Variants in SDCCAG8 observed in about 807,000 individuals in gnomAD.
SDCCAG8 encodes the protein SHH signaling and ciliogenesis regulator SDCCAG8, also known as serologically defined colon cancer antigen 8.
A neutral mutation model predicts 101.8 loss-of-function variants in SDCCAG8; 74 were observed. The observed-to-expected ratio is 0.73, with a 90% CI of 0.60 to 0.88. The LOEUF is 0.88. SDCCAG8 is among the 40% of genes least tolerant of loss of function. The pLI, the probability that SDCCAG8 is intolerant of heterozygous loss-of-function variation, is 0.00. For missense variants in SDCCAG8, 787 were observed against 822.6 expected (o/e 0.96, Z 0.53); for synonymous variants, 281 against 292.9 (o/e 0.96, Z 0.41).
At chr1:243,286,545 C>A in intron 5 of SDCCAG8, 148 bp downstream of exon 5, 1 of 810,438 alleles carries the variant, frequency 1.2e-6, no homozygotes, top group Non-Finnish European at 2.0e-6. Context: ...AAATATCAAA[C>A]TTCACTGTGG....
At chr1:243,388,992 G>A (rs1174548366) in intron 13 of SDCCAG8, among the ~76,000 whole-genome samples, 3 of 147,938 alleles carry the variant, frequency 2.0e-5, no homozygotes, top group East Asian at 4.0e-4. Context: ...GTGGTGGTGC[G>A]TGCCTGAGTC....
chr1:243,379,234 T>C (rs1011803101), intron 13 of SDCCAG8, among the ~76,000 whole-genome samples: 2 of 152,184 alleles, frequency 1.3e-5, no homozygotes, highest in Non-Finnish European at 1.5e-5. Context: ...AATAAAATAC[T>C]GTCAGTGGTG....
chr1:243,299,546 T>C (rs2071286340), intron 6 of SDCCAG8, among the ~76,000 whole-genome samples: 1 of 152,028 alleles, frequency 6.6e-6, no homozygotes, highest in South Asian at 2.1e-4. Context: ...CCCAATTAGC[T>C]GGGATTACAG....
At chr1:243,280,343 G>A (rs1375617582) in intron 4 of SDCCAG8, among the ~76,000 whole-genome samples, 1 of 151,784 alleles carries the variant, frequency 6.6e-6, no homozygotes, top group East Asian at 1.9e-4. Flanking sequence ...TTCTTAACCT[G>A]TATATAGTCT....
intron 8 of SDCCAG8, among the ~76,000 whole-genome samples, chr1:243,308,651 T>G (rs1381635127): frequency 6.6e-6 from 1 of 152,216 alleles, no homozygotes; most frequent in Non-Finnish European, 1.5e-5. Context: ...AAGGACCCAC[T>G]GTATCCCACT....
intron 13 of SDCCAG8, among the ~76,000 whole-genome samples, chr1:243,399,086 T>C (rs556673285): frequency 1.3e-5 from 2 of 152,354 alleles, no homozygotes; most frequent in South Asian, 4.1e-4. Flanking sequence ...GAAAATAGTA[T>C]ATAAATTTAT....
At chr1:243,495,776 T>C (rs3006930) in intron 17 of SDCCAG8, among the ~76,000 whole-genome samples, 9,965 of 152,208 alleles carry the variant, frequency 0.065, 1,091 homozygotes, top group African/African-American at 0.23. Flanking sequence ...CCTCAGTGCG[T>C]TGGTGGCGAG....
chr1:243,451,955 G>A (rs1019427439), intron 16 of SDCCAG8, among the ~76,000 whole-genome samples: 9 of 152,066 alleles, frequency 5.9e-5, no homozygotes, highest in Admixed American at 5.2e-4. Flanking sequence ...AGTTGATTGC[G>A]GCCTGCTAAA....
intron 16 of SDCCAG8, among the ~76,000 whole-genome samples, chr1:243,434,678 T>A (rs2082019311): frequency 6.6e-6 from 1 of 152,196 alleles, no homozygotes; most frequent in Non-Finnish European, 1.5e-5. Flanking sequence ...ACAGTCCCTT[T>A]GTAATGAGCC....
In SDCCAG8 at chr1:243,415,689, C is replaced by T; in HGVS notation, c.1617-13C>T. On this transcript the variant is annotated splice_polypyrimidine_tract_variant and intron_variant, in intron 13 of 17. Transcript: ENST00000366541. Reference sequence around the variant, plus strand: ...CAGATTAAATTTCTGTATGTCTCCTCTCTGTTTTGCAGACAGGAAAAAGAT... The same window carrying T: ...CAGATTAAATTTCTGTATGTCTCCTTTCTGTTTTGCAGACAGGAAAAAGAT... 2 of 1,613,712 alleles carry T rather than the reference C, an allele frequency of 1.2e-6. No individual in the cohort carries two copies. Among genetic ancestry groups the T allele is most frequent in the Non-Finnish European group, 1.7e-6 (2 of 1,179,714 alleles).
chr1:243,492,827 G>A (rs868587663), intron 17 of SDCCAG8, among the ~76,000 whole-genome samples: 3 of 151,842 alleles, frequency 2.0e-5, no homozygotes, highest in South Asian at 2.1e-4. Flanking sequence ...GGCTGGTCTC[G>A]AACTCCTGAC....
At chr1:243,304,952 C>A (rs892086352) in intron 7 of SDCCAG8, 175 bp downstream of exon 7, 5 of 583,682 alleles carry the variant, frequency 8.6e-6, no homozygotes, top group African/African-American at 5.7e-5. Context: ...AAATTGAGTT[C>A]TTTTCCAAAT....
chr1:243,416,065 A>G lies in SDCCAG8; in HGVS notation c.1744+236A>G, dbSNP rs1468796258. Among the ~76,000 whole-genome samples, 2 of 152,212 alleles carry G rather than the reference A, an allele frequency of 1.3e-5. No homozygotes were observed. The highest frequency in any genetic ancestry group is 2.9e-5 in the Non-Finnish European group (2 of 68,036). On this transcript the variant is annotated intron_variant, in intron 14 of 17. Coordinates refer to ENST00000366541, the MANE Select transcript of SDCCAG8 (RefSeq NM_006642.5). The surrounding 1 kb of genome is among the most constrained non-coding windows in gnomAD (Gnocchi z 4.3). ...CTCTCACATCTGTTGCACCATCTGG[A>G]TTATGAGTTTATTTACCTGTGTTCA...
At chr1:243,358,289 A>G (rs945039991) in intron 12 of SDCCAG8, among the ~76,000 whole-genome samples, 7 of 152,110 alleles carry the variant, frequency 4.6e-5, no homozygotes, top group African/African-American at 1.7e-4. Flanking sequence ...ATCCGAATAG[A>G]CTTTTTTTAA....
intron 5 of SDCCAG8, among the ~76,000 whole-genome samples, chr1:243,287,537 AT>A (rs1018057678): frequency 3.9e-5 from 6 of 151,904 alleles, no homozygotes; most frequent in African/African-American, 1.5e-4. Context: ...GCTAATTAGT[AT>A]TTCAGTTTAA....
chr1:243,276,109 G>C (rs988374862), intron 4 of SDCCAG8, among the ~76,000 whole-genome samples: 2 of 151,936 alleles, frequency 1.3e-5, no homozygotes, highest in African/African-American at 4.8e-5. Flanking sequence ...TGATCCGTCC[G>C]CCTTGGTCTC....
chr1:243,317,255 T>G (rs2073335272), intron 9 of SDCCAG8, among the ~76,000 whole-genome samples: 2 of 151,952 alleles, frequency 1.3e-5, no homozygotes, highest in Admixed American at 6.6e-5. Flanking sequence ...TTTTCCTCAA[T>G]AATTGGGAAG....
intron 12 of SDCCAG8, among the ~76,000 whole-genome samples, chr1:243,365,011 T>C (rs769805365): frequency 1.6e-4 from 25 of 152,254 alleles, no homozygotes; most frequent in Admixed American, 1.6e-3. Context: ...CTTTATTGCA[T>C]TGAAAAGTTA....
At chr1:243,497,482 CT>C (rs1305799428) in intron 17 of SDCCAG8, among the ~76,000 whole-genome samples, 1 of 152,112 alleles carries the variant, frequency 6.6e-6, no homozygotes, top group Non-Finnish European at 1.5e-5. Flanking sequence ...ATCAGGCTGA[CT>C]TTTGATTGGT....
Sources: allele counts gnomAD v4.1 joint callset (sites outside exome capture counted in the v4.1 genomes callset), GRCh38; gene constraint gnomAD v4.1.1; non-coding constraint Gnocchi (gnomAD v3.1); transcripts MANE v1.5; gene names NCBI Gene and HGNC (gene_info 2026-07-23, HGNC 2026-07-21).